Variants in ZC3H12B observed in about 807,000 individuals in gnomAD.
ZC3H12B encodes the protein probable ribonuclease ZC3H12B.
Under a neutral mutation model 43.9 loss-of-function variants are expected in ZC3H12B, and 7 were observed. That is an observed-to-expected ratio of 0.16 (90% CI 0.09 to 0.30). The LOEUF (loss-of-function observed/expected upper bound fraction) is 0.30, where lower values mean the gene tolerates loss of function less well. Among genes scored for constraint, ZC3H12B ranks in the 10% least tolerant of loss-of-function variants. ZC3H12B has a pLI of 1.00. For missense variants in ZC3H12B, 475 were observed against 670.2 expected (o/e 0.71, Z 3.22); for synonymous variants, 222 against 241.7 (o/e 0.92, Z 0.76).
chrX:65,447,910 C>T (rs892050583), intron 3 of ZC3H12B, among the ~76,000 whole-genome samples: 8 of 111,395 alleles, frequency 7.2e-5, no homozygotes, highest in Admixed American at 5.8e-4. Context: ...TGAGATACCA[C>T]CTTATCCCAG....
chrX:65,122,902 A>T, the ZC3H12B span, among the ~76,000 whole-genome samples: 1 of 111,776 alleles, frequency 8.9e-6, no homozygotes, highest in Non-Finnish European at 1.9e-5. Context: ...TTAGAGACCT[A>T]CAAAGAGACT....
At chrX:65,126,768 T>C in the ZC3H12B span, among the ~76,000 whole-genome samples, 2 of 106,379 alleles carry the variant, frequency 1.9e-5, no homozygotes, top group Non-Finnish European at 3.9e-5. Context: ...CTCTTTCTTC[T>C]GCTTGTTCAA....
At chrX:65,306,479 TCTC>T in the ZC3H12B span, among the ~76,000 whole-genome samples, 4 of 111,165 alleles carry the variant, frequency 3.6e-5, no homozygotes, top group African/African-American at 1.3e-4. Flanking sequence ...TTCTAGCAAT[TCTC>T]CTGCTTCAGC....
chrX:65,500,513 C>T (rs2068349871), intron 4 of ZC3H12B, among the ~76,000 whole-genome samples: 1 of 111,704 alleles, frequency 9.0e-6, no homozygotes, highest in Admixed American at 9.5e-5. Flanking sequence ...CTGCAACCTC[C>T]GCTTCCCGGG....
At chrX:65,106,339 A>G in the ZC3H12B span, among the ~76,000 whole-genome samples, 620 of 111,698 alleles carry the variant, frequency 5.6e-3, 5 homozygotes, top group Non-Finnish European at 8.1e-3. Flanking sequence ...TTGTGCTTGG[A>G]CTTAAGCAAG....
chrX:65,331,146 A>G, the ZC3H12B span: 2 of 255,763 alleles, frequency 7.8e-6, no homozygotes, highest in Non-Finnish European at 1.5e-5. Context: ...ACCTCTACAC[A>G]CTTTTCTTCA....
At chrX:65,333,480 T>A in the ZC3H12B span, among the ~76,000 whole-genome samples, 14 of 112,102 alleles carry the variant, frequency 1.2e-4, no homozygotes, top group Non-Finnish European at 2.4e-4. Context: ...AAGCTGTATA[T>A]AGCTCTCCAA....
intron 2 of ZC3H12B, among the ~76,000 whole-genome samples, chrX:65,380,069 A>G (rs1483896031): frequency 1.8e-5 from 2 of 112,104 alleles, no homozygotes; most frequent in Non-Finnish European, 3.8e-5. Context: ...CCAATCTAGC[A>G]AGGCAGGCCA....
At chrX:65,378,086 G>A (rs749939640) in intron 2 of ZC3H12B, among the ~76,000 whole-genome samples, 18 of 109,094 alleles carry the variant, frequency 1.6e-4, no homozygotes, top group Non-Finnish European at 3.4e-4. Flanking sequence ...GTGACAGAGC[G>A]AGACTCCATC....
the ZC3H12B span, among the ~76,000 whole-genome samples, chrX:65,211,103 A>T: frequency 1.9e-5 from 2 of 105,641 alleles, no homozygotes; most frequent in East Asian, 5.8e-4. Flanking sequence ...AAAAAAAAAA[A>T]AGAACTTTTG....
chrX:65,391,273 G>GA (rs2066612398), intron 2 of ZC3H12B, among the ~76,000 whole-genome samples: 2 of 111,667 alleles, frequency 1.8e-5, no homozygotes, highest in Non-Finnish European at 3.8e-5. Context: ...TATACTGTGG[G>GA]AAAAAAGATG....
At chrX:65,131,040 C>A in the ZC3H12B span, among the ~76,000 whole-genome samples, 79 of 111,938 alleles carry the variant, frequency 7.1e-4, no homozygotes, top group African/African-American at 2.0e-3. Flanking sequence ...CCTCTTTCAG[C>A]CCATATAACA....
the ZC3H12B span, among the ~76,000 whole-genome samples, chrX:65,358,921 A>G: frequency 8.9e-6 from 1 of 112,050 alleles, no homozygotes; most frequent in South Asian, 3.8e-4. Flanking sequence ...TCCTGGCTTT[A>G]AAACTTCAAA....
At chrX:65,261,395 T>A in the ZC3H12B span, among the ~76,000 whole-genome samples, 2 of 111,419 alleles carry the variant, frequency 1.8e-5, no homozygotes, top group Admixed American at 1.9e-4. Flanking sequence ...GAAATAGCCT[T>A]CCATAATGTT....
intron 3 of ZC3H12B, among the ~76,000 whole-genome samples, chrX:65,458,349 C>G (rs749503530): frequency 9.0e-6 from 1 of 110,917 alleles, no homozygotes; most frequent in Non-Finnish European, 1.9e-5. Flanking sequence ...CAGCTCTGCA[C>G]GAAGCAGACC....
intron 3 of ZC3H12B, among the ~76,000 whole-genome samples, chrX:65,423,125 G>C (rs1416863642): frequency 9.2e-6 from 1 of 108,935 alleles, no homozygotes; most frequent in Non-Finnish European, 1.9e-5. Context: ...TAGAGATGGG[G>C]TTTCACCTTG....
the ZC3H12B span, among the ~76,000 whole-genome samples, chrX:65,310,413 A>G: frequency 9.0e-6 from 1 of 111,715 alleles, no homozygotes; most frequent in Non-Finnish European, 1.9e-5. Context: ...CGCCATAAAG[A>G]GAATAAAATA....
chrX:65,097,532 C>T, the ZC3H12B span, among the ~76,000 whole-genome samples: 43 of 111,628 alleles, frequency 3.9e-4, no homozygotes, highest in African/African-American at 1.3e-3. Flanking sequence ...GTCCTATCAG[C>T]CATTTTATGT....
At chrX:65,049,084 G>A in the ZC3H12B span, among the ~76,000 whole-genome samples, 2 of 111,263 alleles carry the variant, frequency 1.8e-5, no homozygotes, top group East Asian at 2.8e-4. Context: ...CTTATCAGTT[G>A]TGTAGGTTTT....
Sources: gnomAD v4.1 joint callset for allele counts (sites outside exome capture counted in the v4.1 genomes callset) on GRCh38, gnomAD v4.1.1 for gene constraint, MANE v1.5 for transcripts, NCBI Gene and HGNC (gene_info 2026-07-23, HGNC 2026-07-21) for gene names.